EPM2A: variants seen among roughly 807,000 people sequenced by gnomAD.
EPM2A encodes laforin.
A neutral mutation model predicts 26.5 loss-of-function variants in EPM2A; 21 were observed. That is an observed-to-expected ratio of 0.79 (90% CI 0.56 to 1.14). The LOEUF is 1.14. EPM2A is among the 50% of genes most tolerant of loss of function. The probability of loss-of-function intolerance (pLI) is 0.00; values close to 1 mark genes in which losing one functional copy is unlikely to be tolerated. For synonymous variants in EPM2A, 217 were observed against 177.6 expected (o/e 1.22, Z -1.76); for missense variants, 458 against 440.8 (o/e 1.04, Z -0.35).
chr6:145,609,194 G>A (rs1404819063), intron 2 of EPM2A, among the ~76,000 whole-genome samples: 1 of 152,138 alleles, frequency 6.6e-6, no homozygotes, highest in Non-Finnish European at 1.5e-5. Context: ...ACTCTATGCT[G>A]AGCTCAAAGT....
chr6:145,635,131 A>G (rs985367845), intron 3 of EPM2A, 114 bp downstream of exon 3: 2 of 1,219,774 alleles, frequency 1.6e-6, no homozygotes, highest in African/African-American at 1.5e-5. Flanking sequence ...CTAAAATCTT[A>G]TATTTATTCC....
chr6:145,561,554 G>C (rs1295142406), intron 2 of EPM2A, among the ~76,000 whole-genome samples: 3 of 152,046 alleles, frequency 2.0e-5, no homozygotes, highest in Non-Finnish European at 4.4e-5. Flanking sequence ...CCCTATTAAG[G>C]ACACACAAAT....
intron 2 of EPM2A, among the ~76,000 whole-genome samples, chr6:145,666,950 T>G (rs1266499513): frequency 1.5e-5 from 2 of 132,428 alleles, no homozygotes; most frequent in African/African-American, 6.4e-5. Flanking sequence ...CTGGGAAAAC[T>G]GGCTAGCCAT....
chr6:145,590,252 C>T (rs1781254408), intron 2 of EPM2A, among the ~76,000 whole-genome samples: 1 of 151,904 alleles, frequency 6.6e-6, no homozygotes. Flanking sequence ...TGGTCAAGAG[C>T]CAAGAGAAAC....
At chr6:145,496,728 A>ATGTTCTTTTTTTTT (rs779194973), downstream of EPM2A, among the ~76,000 whole-genome samples, 1 of 106,908 alleles carries the variant, frequency 9.4e-6, no homozygotes. Context: ...AGTTCCTGCA[A>ATGTTCTTTTTTTTT]TTTTTTTTTT....
chr6:145,438,873 A>G (rs1779024398), intron 4 of EPM2A, among the ~76,000 whole-genome samples: 1 of 152,160 alleles, frequency 6.6e-6, no homozygotes, highest in Admixed American at 6.5e-5. Flanking sequence ...GATCGGGTGT[A>G]CAGATTATTT....
intron 4 of EPM2A, among the ~76,000 whole-genome samples, chr6:145,445,535 G>A (rs935020033): frequency 3.3e-5 from 5 of 152,128 alleles, no homozygotes; most frequent in Non-Finnish European, 5.9e-5. Flanking sequence ...TAGGACTGGG[G>A]TATTCTAAAA....
chr6:145,400,040 G>C (rs1397538137), intron 4 of EPM2A, among the ~76,000 whole-genome samples: 1 of 152,158 alleles, frequency 6.6e-6, no homozygotes, highest in Non-Finnish European at 1.5e-5. Flanking sequence ...TTTAAGGGTT[G>C]ATGAGTGCCT....
chr6:145,732,232 TGTGTGC>T (rs1554269038), intron 1 of EPM2A, among the ~76,000 whole-genome samples: 9,612 of 129,062 alleles, frequency 0.074, 371 homozygotes, highest in Non-Finnish European at 0.1. Flanking sequence ...TGTGTGTGTG[TGTGTGC>T]GCGCCAAAGT....
At chr6:145,662,284 C>A (rs1003610431) in intron 2 of EPM2A, among the ~76,000 whole-genome samples, 1 of 152,118 alleles carries the variant, frequency 6.6e-6, no homozygotes, top group African/African-American at 2.4e-5. Flanking sequence ...CATTCCTGAT[C>A]ATTTGTATAA....
chr6:145,640,213 T>A (rs1776988138), intron 2 of EPM2A: 1 of 152,150 alleles, frequency 6.6e-6, no homozygotes, highest in Non-Finnish European at 1.5e-5. Context: ...AAGCACTTTG[T>A]AAAAATCACC....
downstream of EPM2A, among the ~76,000 whole-genome samples, chr6:145,500,213 G>A (rs933711127): frequency 5.3e-5 from 8 of 152,182 alleles, no homozygotes; most frequent in Admixed American, 4.6e-4. Flanking sequence ...TTTAGAGAGA[G>A]AGTCGTCAAA....
At chr6:145,420,853 GAA>G (rs1307766282) in intron 4 of EPM2A, among the ~76,000 whole-genome samples, 1 of 150,326 alleles carries the variant, frequency 6.7e-6, no homozygotes, top group African/African-American at 2.5e-5. Flanking sequence ...AAGAGAGATA[GAA>G]AGAGAGAGAG....
chr6:145,401,310 T>A (rs550338773), intron 4 of EPM2A, among the ~76,000 whole-genome samples: 3 of 152,296 alleles, frequency 2.0e-5, no homozygotes, highest in African/African-American at 7.2e-5. Context: ...TATACACAAG[T>A]ACTCTATTTT....
At position 145,700,906 on chromosome 6, in the gene EPM2A, C is replaced by T. The variant is rs146054997; in HGVS notation, c.302-14610G>A. ...GCAAAAACCATCCCTGATAGCTTCA[C>T]ACATTGCTTTCTTCCATGGCAAAAA... On this transcript the variant is annotated intron_variant, in intron 1 of 3. Transcript: ENST00000367519. Among the ~76,000 whole-genome samples, 38 of 152,274 alleles carry T rather than the reference C, an allele frequency of 2.5e-4. No individual in the cohort carries two copies. In the South Asian group the frequency reaches 6.4e-3, roughly 26 times the overall value.
intron 4 of EPM2A, among the ~76,000 whole-genome samples, chr6:145,452,195 T>C (rs755348993): frequency 2.0e-5 from 3 of 152,142 alleles, no homozygotes; most frequent in Non-Finnish European, 2.9e-5. Flanking sequence ...ATTCCTGCAA[T>C]TGTGGGACTA....
intron 4 of EPM2A, among the ~76,000 whole-genome samples, chr6:145,472,260 A>G (rs998934006): frequency 1.3e-5 from 2 of 151,806 alleles, no homozygotes; most frequent in African/African-American, 2.4e-5. Context: ...ACCAGCAGTG[A>G]TACCTGGGTC....
At chr6:145,441,784 C>T (rs569328311) in intron 4 of EPM2A, among the ~76,000 whole-genome samples, 3 of 152,174 alleles carry the variant, frequency 2.0e-5, no homozygotes, top group African/African-American at 7.2e-5. Context: ...ATCACTTGAA[C>T]ATGGGAGGCA....
At chr6:145,662,843 C>T (rs765838746) in intron 2 of EPM2A, among the ~76,000 whole-genome samples, 1 of 152,100 alleles carries the variant, frequency 6.6e-6, no homozygotes, top group Non-Finnish European at 1.5e-5. Context: ...AAGGAAAGTG[C>T]TTATATAGGC....
Sources: gnomAD v4.1 joint callset for allele counts (sites outside exome capture counted in the v4.1 genomes callset) on GRCh38, gnomAD v4.1.1 for gene constraint, MANE v1.5 for transcripts, NCBI Gene and HGNC (gene_info 2026-07-23, HGNC 2026-07-21) for gene names.